RADIL: variants seen among roughly 807,000 people sequenced by gnomAD.
The protein encoded by RADIL is ras-associating and dilute domain-containing protein.
Under a neutral mutation model 97.6 loss-of-function variants are expected in RADIL, and 99 were observed. The observed-to-expected ratio is 1.01, with a 90% CI of 0.86 to 1.20. The LOEUF (loss-of-function observed/expected upper bound fraction) is 1.20, where lower values mean the gene tolerates loss of function less well. RADIL is among the 50% of genes most tolerant of loss of function. The pLI, the probability that RADIL is intolerant of heterozygous loss-of-function variation, is 0.00. For missense variants in RADIL, 1,765 were observed against 1,498.9 expected, an observed-to-expected ratio of 1.18 and a Z score of -2.93; for synonymous variants, 803 against 691.8, an observed-to-expected ratio of 1.16 and a Z score of -2.52.
At position 4,798,137 on chromosome 7, in the gene RADIL, C is replaced by A. The variant is rs967298937; in HGVS notation, c.*1241G>T. On this transcript the variant is annotated 3_prime_UTR_variant, in exon 15 of 15. Transcript: ENST00000399583. The stretch of plus-strand genomic sequence containing the variant: ...CATATCTTAAATATATATACAAACA[C>A]TATATATATATATATATTTTATCCA... The A allele has an allele frequency of 2.3e-4, 33 of 146,660 alleles. No homozygotes were observed. Among genetic ancestry groups the A allele is most frequent in the African/African-American group, 7.4e-4 (30 of 40,320 alleles). The allele number at this position is 146,660 out of a possible 1,614,324, so 9.1% of individuals were successfully genotyped here.
intron 9 of RADIL, chr7:4,809,657 TTTTA>T (rs35301644): frequency 0.013 from 11,675 of 916,302 alleles, 82 homozygotes; most frequent in Non-Finnish European, 0.014. Context: ...TTACATCTTA[TTTTA>T]TTTATTTATT....
chr7:4,829,559 G>T (rs1349698841), intron 5 of RADIL, among the ~76,000 whole-genome samples: 1 of 152,140 alleles, frequency 6.6e-6, no homozygotes, highest in Non-Finnish European at 1.5e-5. Flanking sequence ...TTTTTGGTAC[G>T]TGAGGCACTT....
rs1784524288 is a variant in RADIL, at chr7:4,883,363, G to A, written c.-65+233C>T. Among the ~76,000 whole-genome samples, 1 of 152,112 alleles carries A rather than the reference G, an allele frequency of 6.6e-6. No individual in the cohort carries two copies. Among genetic ancestry groups the A allele is most frequent in the Non-Finnish European group, 1.5e-5 (1 of 67,992 alleles). On this transcript the variant is annotated intron_variant, in intron 1 of 14. Coordinates refer to ENST00000399583, the MANE Select transcript of RADIL (RefSeq NM_018059.5). This position sits in a 1 kb window ranked among gnomAD's most constrained non-coding sequence, Gnocchi z 7.1. ...GATCCCCGCAGGCTGGGCCGCCCTT[G>A]CCCGCGCTAGCCGGCCTCCGGGTAC...
intron 9 of RADIL, among the ~76,000 whole-genome samples, chr7:4,811,543 A>C (rs1383774018): frequency 2.5e-5 from 3 of 122,120 alleles, no homozygotes; most frequent in Non-Finnish European, 4.7e-5. Context: ...GCTGGAGTGC[A>C]GTGGCGCAAT....
At chr7:4,804,001 T>A in intron 10 of RADIL, 1 of 557,640 alleles carries the variant, frequency 1.8e-6, no homozygotes, top group Non-Finnish European at 3.3e-6. Flanking sequence ...CAAGGCCTTG[T>A]AGCCAGGAAC....
In RADIL at chr7:4,803,560, G is replaced by A. The variant is rs1782191102; in HGVS notation, c.2485C>T (p.Pro829Ser). ...TCCCCGGGTACCTCGGGGCACACTG[G>A]CTGGGAGGCCCCACTGCCAGGCCTG... ...PGRPGSGASQ[P>S]VCPEGMHHVV... is the part of the protein sequence containing the mutation. The change falls in exon 11 of 15, where the codon CCA (proline) becomes TCA (serine). Residue 829 changes from proline (P) to serine (S), a missense_variant. Transcript: ENST00000399583. The A allele has an allele frequency of 1.1e-5, 17 of 1,543,506 alleles. No homozygotes were observed. The East Asian group carries it at 3.9e-4, about 36-fold the overall frequency.
chr7:4,836,346 G>A lies in RADIL; in HGVS notation c.783+12C>T. 1.3e-6 allele frequency: 2 copies of A among 1,567,020 alleles called. No individual in the cohort carries two copies. The highest frequency in any genetic ancestry group is 2.4e-5 in the East Asian group (1 of 42,346). ...TGGCACCGGGCAGTGGGTGTCAGGA[G>A]GGGAGGCTCACGTGCTGCTGGCTGT... is the stretch of plus-strand genomic sequence containing the variant. On this transcript the variant is annotated intron_variant, in intron 3 of 14. Transcript: ENST00000399583.
chr7:4,830,842 G>A (rs989575700), intron 5 of RADIL, among the ~76,000 whole-genome samples: 1 of 151,982 alleles, frequency 6.6e-6, no homozygotes, highest in African/African-American at 2.4e-5. Context: ...GTGAAACCCC[G>A]TCTCTACTAA....
chr7:4,799,473 G>T lies in RADIL; in HGVS notation c.3133C>A (p.Leu1045Met). ...ATCTTCTTCCCGCCATGACGGATCA[G>T]GTCCACAGCTCTGAAATCCATGCCA... The part of the protein sequence containing the change: ...LGLGYLRAVD[L>M]IRHGGKKMRF... Residue 1045 changes from leucine to methionine, a missense_variant, in exon 15 of 15, where the codon CTG becomes ATG. Leu to Met is a conservative substitution (Grantham distance 15, BLOSUM62 2). Transcript: ENST00000399583. 6.2e-7 allele frequency: 1 copy of T among 1,613,982 alleles called. No homozygotes were observed. Among genetic ancestry groups the T allele is most frequent in the Non-Finnish European group, 8.5e-7 (1 of 1,179,978 alleles).
intron 2 of RADIL, among the ~76,000 whole-genome samples, chr7:4,851,704 G>T (rs893903823): frequency 6.6e-6 from 1 of 152,178 alleles, no homozygotes; most frequent in Admixed American, 6.5e-5. Flanking sequence ...TCTTCTTGCT[G>T]CTTATGGTTA....
At chr7:4,807,512 TCC>T in intron 9 of RADIL, among the ~76,000 whole-genome samples, 2 of 126,858 alleles carry the variant, frequency 1.6e-5, no homozygotes, top group African/African-American at 6.4e-5. Context: ...CTCTCCCTCC[TCC>T]CTCTCCGTCT....
At position 4,836,506 on chromosome 7, in the gene RADIL, C is replaced by T. The variant is rs1481256128; in HGVS notation, c.635G>A (p.Arg212His). The change falls in exon 3 of 15, where the codon CGC becomes CAC. Residue 212 changes from arginine (R) to histidine (H), a missense_variant. Coordinates refer to ENST00000399583, the MANE Select transcript of RADIL (RefSeq NM_018059.5). The stretch of plus-strand genomic sequence containing the variant: ...CAGGCTGGTCTCACTGACTGTGCGG[C>T]GCAACCGGGGTGGAGGAGAGCTCCG... ...DARSSPPPRL[R>H]RTVSETSLSP... is the part of the protein sequence containing the mutation. 5.6e-6 allele frequency: 9 copies of T among 1,606,852 alleles called. No homozygotes were observed. Among genetic ancestry groups the T allele is most frequent in the East Asian group, 2.2e-5 (1 of 44,824 alleles).
At chr7:4,803,900 G>A in intron 10 of RADIL, 146 bp from the exon 11 acceptor site, 2 of 779,202 alleles carry the variant, frequency 2.6e-6, no homozygotes, top group Non-Finnish European at 4.4e-6. Context: ...CTGGGATCCT[G>A]GCCACAGTGA....
Position 4,814,559 on chromosome 7 carries a change from G to A in RADIL, c.2139+719C>T, listed in dbSNP as rs1238162053. Among the ~76,000 whole-genome samples, 1 of 151,960 alleles carries A rather than the reference G, an allele frequency of 6.6e-6. No homozygotes were observed. The highest frequency in any genetic ancestry group is 1.5e-5 in the Non-Finnish European group (1 of 67,982). On this transcript the variant is annotated intron_variant, in intron 9 of 14. Transcript: ENST00000399583. This position sits in a 1 kb window ranked among gnomAD's most constrained non-coding sequence, Gnocchi z 4.5. Reference sequence around the variant, plus strand: ...GAAGGGGGGTGGTGAGTGGCTGACTGTGTTGGGAGGGGGGTGGTGAGCAGC... The same window carrying A: ...GAAGGGGGGTGGTGAGTGGCTGACTATGTTGGGAGGGGGGTGGTGAGCAGC...
In RADIL at chr7:4,835,159, G is replaced by T. The variant is rs772702742; in HGVS notation, c.864C>A (p.Leu288=). 18 of 1,611,598 alleles carry T rather than the reference G, an allele frequency of 1.1e-5. No individual in the cohort carries two copies. Among genetic ancestry groups the T allele is most frequent in the Non-Finnish European group, 1.4e-5 (17 of 1,179,414 alleles). ...GTAGAGGCAGGATGTCGGGGGCTGA[G>T]AGGCTGATGCTGGGCTTGCTGGAGG... ...RTPSSKPSIS[L]SAPDILPLHC... Residue 288 remains leucine (L), a synonymous_variant, in exon 4 of 15, where the codon CTC becomes CTA. Transcript: ENST00000399583. This position sits in a 1 kb window ranked among gnomAD's most constrained non-coding sequence, Gnocchi z 5.8.
In RADIL at chr7:4,799,374, C is replaced by T. The variant is rs778026382; in HGVS notation, c.*4G>A. On this transcript the variant is annotated 3_prime_UTR_variant, in exon 15 of 15. Coordinates refer to ENST00000399583, the MANE Select transcript of RADIL (RefSeq NM_018059.5). The stretch of plus-strand genomic sequence containing the variant: ...GGGCCTGTGGGGGTGTCCTCGCAGC[C>T]CCCCTAGAGAGGGGGCGTGCGGAAA... The T allele has an allele frequency of 5.6e-6, 9 of 1,613,404 alleles. No homozygotes were observed. The East Asian group carries it at 1.1e-4, about 20-fold the overall frequency.
intron 2 of RADIL, chr7:4,861,515 A>C: frequency 6.2e-7 from 1 of 1,614,068 alleles, no homozygotes; most frequent in African/African-American, 1.3e-5. Context: ...GCCAAACGTA[A>C]AAATCTTTCC....
chr7:4,800,048 CCA>C, intron 13 of RADIL, 121 bp downstream of exon 13: 2 of 1,387,992 alleles, frequency 1.4e-6, no homozygotes, highest in Non-Finnish European at 9.5e-7. Context: ...GAGGCCAACC[CCA>C]CTCTCCTCCC....
intron 5 of RADIL, among the ~76,000 whole-genome samples, chr7:4,823,445 T>C (rs938105591): frequency 6.6e-6 from 1 of 151,588 alleles, no homozygotes; most frequent in East Asian, 2.0e-4. Flanking sequence ...GCTGGGATTA[T>C]AGGCATGAGC....
Sources: gnomAD v4.1 joint callset for allele counts (sites outside exome capture counted in the v4.1 genomes callset) on GRCh38, gnomAD v4.1.1 for gene constraint, Gnocchi (gnomAD v3.1) non-coding constraint, MANE v1.5 for transcripts, NCBI Gene and HGNC (gene_info 2026-07-23, HGNC 2026-07-21) for gene names.